The following SH3BGR variants were observed in gnomAD, a reference collection of about 807,000 sequenced individuals.
The protein encoded by SH3BGR is SH3 domain-binding glutamic acid-rich protein.
SH3BGR carries 29 observed loss-of-function variants against 24.5 expected under a neutral mutation model. The observed-to-expected ratio is 1.18, with a 90% CI of 0.88 to 1.61. The LOEUF is 1.61. SH3BGR is among the 40% of genes most tolerant of loss of function. The probability of loss-of-function intolerance (pLI) is 0.00; values close to 1 mark genes in which losing one functional copy is unlikely to be tolerated. For missense variants in SH3BGR, 162 were observed against 205.8 expected (o/e 0.79, Z 1.30); for synonymous variants, 55 against 65.7 (o/e 0.84, Z 0.79).
chr21:39,510,234 G>T (rs1041327612), intron 5 of SH3BGR, among the ~76,000 whole-genome samples: 1 of 127,644 alleles, frequency 7.8e-6, no homozygotes, highest in Non-Finnish European at 1.6e-5. Flanking sequence ...GAGCCACCGC[G>T]CCCAGCCTTT....
At chr21:39,509,583 T>C (rs1280841482) in intron 5 of SH3BGR, among the ~76,000 whole-genome samples, 1 of 150,144 alleles carries the variant, frequency 6.7e-6, no homozygotes. Context: ...CAAGCGATTC[T>C]CCTGCCTCAG....
At chr21:39,487,522 C>A (rs928345280) in intron 3 of SH3BGR, among the ~76,000 whole-genome samples, 3 of 152,170 alleles carry the variant, frequency 2.0e-5, no homozygotes, top group African/African-American at 7.2e-5. Flanking sequence ...GCTTATACAT[C>A]CCAGCGAGGG....
chr21:39,459,160 CCTTT>C (rs1569150643), intron 1 of SH3BGR, among the ~76,000 whole-genome samples: 1 of 151,794 alleles, frequency 6.6e-6, no homozygotes, highest in Non-Finnish European at 1.5e-5. Flanking sequence ...GTTTTATTAC[CCTTT>C]CTTTCTCCTC....
intron 3 of SH3BGR, among the ~76,000 whole-genome samples, chr21:39,478,919 T>G (rs2078071788): frequency 6.6e-6 from 1 of 152,194 alleles, no homozygotes; most frequent in South Asian, 2.1e-4. Context: ...TAATTCTGAG[T>G]TTATTAAATA....
At chr21:39,505,139 C>T (rs1424407811) in intron 4 of SH3BGR, among the ~76,000 whole-genome samples, 1 of 152,158 alleles carries the variant, frequency 6.6e-6, no homozygotes, top group Non-Finnish European at 1.5e-5. Flanking sequence ...ATATATCCCA[C>T]CTCATTCTAT....
At chr21:39,464,442 C>T (rs547933367) in intron 2 of SH3BGR, among the ~76,000 whole-genome samples, 1 of 152,254 alleles carries the variant, frequency 6.6e-6, no homozygotes, top group East Asian at 1.9e-4. Context: ...GGGCTGGTCT[C>T]GAACTCCTGA....
At chr21:39,474,257 C>T (rs1001790281) in intron 2 of SH3BGR, among the ~76,000 whole-genome samples, 2 of 152,160 alleles carry the variant, frequency 1.3e-5, no homozygotes, top group Admixed American at 6.5e-5. Context: ...TGAGCCACCA[C>T]GCCTGGCTGG....
intron 3 of SH3BGR, chr21:39,488,487 C>A: frequency 6.6e-6 from 2 of 301,894 alleles, no homozygotes; most frequent in East Asian, 8.2e-5. Flanking sequence ...CTGGGGGAAC[C>A]TCAGGAGTGA....
chr21:39,462,622 C>A, intron 2 of SH3BGR, 62 bp downstream of exon 2: 1 of 1,244,620 alleles, frequency 8.0e-7, no homozygotes, highest in Non-Finnish European at 1.1e-6. Flanking sequence ...TTTTCTAAAG[C>A]AGATTAAGTT....
chr21:39,464,379 C>T (rs571857942), intron 2 of SH3BGR, among the ~76,000 whole-genome samples: 4 of 152,228 alleles, frequency 2.6e-5, no homozygotes, highest in South Asian at 2.1e-4. Context: ...TGTGCCACTA[C>T]GCCTGGCTAA....
At chr21:39,492,776 C>T (rs983518527) in intron 3 of SH3BGR, among the ~76,000 whole-genome samples, 4 of 152,090 alleles carry the variant, frequency 2.6e-5, no homozygotes, top group Non-Finnish European at 5.9e-5. Flanking sequence ...TGCATCCACG[C>T]CAACACCTAT....
upstream of SH3BGR, among the ~76,000 whole-genome samples, chr21:39,447,265 G>A (rs2077502359): frequency 6.6e-6 from 1 of 152,076 alleles, no homozygotes; most frequent in Admixed American, 6.5e-5. Context: ...CATTGCGGGA[G>A]CATCCAACCC....
chr21:39,459,733 T>C (rs2077723863), intron 1 of SH3BGR, among the ~76,000 whole-genome samples: 2 of 151,934 alleles, frequency 1.3e-5, no homozygotes, highest in African/African-American at 2.4e-5. Flanking sequence ...CTACAAAAAC[T>C]TTTTGTAGAG....
chr21:39,485,750 C>T (rs1057327295), intron 3 of SH3BGR, among the ~76,000 whole-genome samples: 9 of 146,528 alleles, frequency 6.1e-5, no homozygotes, highest in Non-Finnish European at 1.0e-4. Flanking sequence ...TGCAGTGGTG[C>T]GATCTCGGCT....
intron 2 of SH3BGR, among the ~76,000 whole-genome samples, chr21:39,464,094 G>C (rs2077800247): frequency 6.6e-6 from 1 of 152,122 alleles, no homozygotes; most frequent in Non-Finnish European, 1.5e-5. Flanking sequence ...ATCCTCACAT[G>C]GAGTGTGTCT....
chr21:39,497,853 GAGA>G (rs1430811117), intron 3 of SH3BGR, among the ~76,000 whole-genome samples: 1 of 152,116 alleles, frequency 6.6e-6, no homozygotes, highest in Non-Finnish European at 1.5e-5. Context: ...GAGGATAAAG[GAGA>G]AGGAGACATT....
chr21:39,448,840 C>T (rs530736953), upstream of SH3BGR, among the ~76,000 whole-genome samples: 2 of 152,160 alleles, frequency 1.3e-5, no homozygotes, highest in African/African-American at 4.8e-5. Flanking sequence ...CAACTGACCC[C>T]GATAGACTGC....
At chr21:39,492,443 G>GGTGGGTGTGTGTGT (rs1183610917) in intron 3 of SH3BGR, among the ~76,000 whole-genome samples, 11 of 136,548 alleles carry the variant, frequency 8.1e-5, no homozygotes, top group African/African-American at 3.0e-4. Flanking sequence ...AGTTTCCCTT[G>GGTGGGTGTGTGTGT]GTGTGTGTGT....
At chr21:39,480,924 T>A (rs1356648606) in intron 3 of SH3BGR, among the ~76,000 whole-genome samples, 1 of 152,228 alleles carries the variant, frequency 6.6e-6, no homozygotes, top group Non-Finnish European at 1.5e-5. Flanking sequence ...GAATGTGGTA[T>A]CTTATTTGCT....
Sources: allele counts gnomAD v4.1 joint callset (sites outside exome capture counted in the v4.1 genomes callset), GRCh38; gene constraint gnomAD v4.1.1; transcripts MANE v1.5; gene names NCBI Gene and HGNC (gene_info 2026-07-23, HGNC 2026-07-21).